The following SLC9B2 variants were observed in gnomAD, a reference collection of about 807,000 sequenced individuals.
The protein encoded by SLC9B2 is solute carrier family 9 member B2.
SLC9B2 carries 39 observed loss-of-function variants against 52.2 expected under a neutral mutation model. The ratio of observed to expected loss-of-function variants is 0.75; its 90% CI spans 0.58 to 0.98. The LOEUF is 0.98. Among genes scored for constraint, SLC9B2 ranks in the 50% least tolerant of loss-of-function variants. The pLI is 0.00. For missense variants in SLC9B2, 626 were observed against 637.5 expected (o/e 0.98, Z 0.19); for synonymous variants, 214 against 227.0 (o/e 0.94, Z 0.51).
rs1305183338 is a variant in SLC9B2, at chr4:103,058,074, A to G, written c.272-103T>C. The G allele has an allele frequency of 8.6e-6, 9 of 1,052,314 alleles. No homozygotes were observed. In the African/African-American group the frequency reaches 1.5e-4, roughly 17 times the overall value. 65.2% of individuals were successfully genotyped at this position (1,052,314 alleles called of 1,614,324 possible). A position where few individuals can be genotyped will look rare whatever the true frequency, so the allele number is the denominator to read the frequency against. ...AAAAATAAATACTGAATGAAAATGC[A>G]AATATTTATAATCATGTTTAATCTG... On this transcript the variant is annotated intron_variant, in intron 3 of 11. Coordinates refer to ENST00000394785, the MANE Select transcript of SLC9B2 (RefSeq NM_178833.7).
chr4:103,047,231 G>A lies in SLC9B2; in HGVS notation c.714-5C>T. 1 of 1,605,536 alleles carries A rather than the reference G, an allele frequency of 6.2e-7. No homozygotes were observed. Among genetic ancestry groups the A allele is most frequent in the Non-Finnish European group, 8.5e-7 (1 of 1,175,028 alleles). On this transcript the variant is annotated splice_polypyrimidine_tract_variant and splice_region_variant and intron_variant, in intron 6 of 11. Transcript: ENST00000394785. ...GATACAGCACCTAAAACAAAACTAGGCAGACAGCATTTTAAACATTTATGA... is the reference window on the plus strand; with the variant it reads ...GATACAGCACCTAAAACAAAACTAGACAGACAGCATTTTAAACATTTATGA...
intron 9 of SLC9B2, among the ~76,000 whole-genome samples, chr4:103,042,808 TTTTA>T (rs1169881592): frequency 4.0e-5 from 6 of 151,672 alleles, no homozygotes; most frequent in Non-Finnish European, 5.9e-5. Flanking sequence ...ATATACTATA[TTTTA>T]TTTATTTTAA....
At chr4:103,045,090 G>A in intron 7 of SLC9B2, 94 bp from the exon 8 acceptor site, 1 of 794,406 alleles carries the variant, frequency 1.3e-6, no homozygotes. Context: ...TAATTACAAA[G>A]AAGAAACATT....
chr4:103,067,615 T>C (rs1429044948), intron 1 of SLC9B2, 23 bp from the exon 2 acceptor site: 8 of 1,249,368 alleles, frequency 6.4e-6, no homozygotes, highest in African/African-American at 3.0e-5. Flanking sequence ...AGTATAGATA[T>C]AGAGCAGTAA....
chr4:103,068,967 C>T (rs1280593033), intron 1 of SLC9B2, among the ~76,000 whole-genome samples: 1 of 152,108 alleles, frequency 6.6e-6, no homozygotes, highest in Non-Finnish European at 1.5e-5. Flanking sequence ...CCACAACCAC[C>T]CCCATTTTTC....
At chr4:103,053,260 G>C (rs1744848993) in intron 4 of SLC9B2, among the ~76,000 whole-genome samples, 2 of 152,078 alleles carry the variant, frequency 1.3e-5, no homozygotes, top group Admixed American at 6.5e-5. Context: ...TAAAAATATA[G>C]AACAGGCAAC....
intron 9 of SLC9B2, among the ~76,000 whole-genome samples, chr4:103,038,426 T>G (rs1234046181): frequency 6.6e-6 from 1 of 152,220 alleles, no homozygotes; most frequent in Non-Finnish European, 1.5e-5. Context: ...GGCTTATATA[T>G]TGCAAAACAT....
At chr4:103,073,873 TA>T (rs897718765) in intron 1 of SLC9B2, among the ~76,000 whole-genome samples, 1 of 152,206 alleles carries the variant, frequency 6.6e-6, no homozygotes, top group African/African-American at 2.4e-5. Flanking sequence ...ATGGCCTGTC[TA>T]AATGCCAAGT....
intron 9 of SLC9B2, among the ~76,000 whole-genome samples, chr4:103,037,338 T>C (rs1413908455): frequency 6.6e-6 from 1 of 152,210 alleles, no homozygotes; most frequent in Non-Finnish European, 1.5e-5. Context: ...TTTATACCAA[T>C]TGGCCTATGG....
chr4:103,069,863 T>C (rs1037780670), intron 1 of SLC9B2, among the ~76,000 whole-genome samples: 1 of 152,222 alleles, frequency 6.6e-6, no homozygotes, highest in Non-Finnish European at 1.5e-5. Context: ...GAAATTATTA[T>C]TTTTAGTAGA....
chr4:103,031,750 C>A lies in SLC9B2; in HGVS notation c.1205G>T (p.Gly402Val), dbSNP rs769265898. The stretch of plus-strand genomic sequence containing the variant: ...AATAGATACCTCTGCTCCAATTAGT[C>A]CAAAAAGAAGGGGCTGAAAAATGTC... Reference protein sequence around the residue: ...AWDIFQPLLFGLIGAEVSIAS... With the variant: ...AWDIFQPLLFVLIGAEVSIAS... Residue 402 changes from glycine (G) to valine (V), a missense_variant, in exon 10 of 12, where the codon GGA (glycine) becomes GTA (valine). Coordinates refer to ENST00000394785, the MANE Select transcript of SLC9B2 (RefSeq NM_178833.7). The A allele has an allele frequency of 1.2e-6, 2 of 1,612,734 alleles. No homozygotes were observed. The highest frequency in any genetic ancestry group is 1.7e-6 in the Non-Finnish European group (2 of 1,179,214).
At chr4:103,038,154 C>T (rs950964066) in intron 9 of SLC9B2, among the ~76,000 whole-genome samples, 3 of 152,098 alleles carry the variant, frequency 2.0e-5, no homozygotes, top group South Asian at 2.1e-4. Context: ...AGCCACTGCA[C>T]CCAGCCAACG....
intron 10 of SLC9B2, among the ~76,000 whole-genome samples, chr4:103,029,749 A>G (rs1030119264): frequency 6.6e-6 from 1 of 152,128 alleles, no homozygotes; most frequent in Admixed American, 6.6e-5. Context: ...TTAAAAAGTA[A>G]CATTTGTTGA....
In SLC9B2 at chr4:103,048,670, C is replaced by T. The variant is rs554948841; in HGVS notation, c.713+223G>A. ...TGAATCAGGTGTAGGCAAAAGACCACGACTTCTTCAACAGTTTGAATAGTA... is the reference window on the plus strand; with the variant it reads ...TGAATCAGGTGTAGGCAAAAGACCATGACTTCTTCAACAGTTTGAATAGTA... On this transcript the variant is annotated intron_variant, in intron 6 of 11. Coordinates refer to ENST00000394785, the MANE Select transcript of SLC9B2 (RefSeq NM_178833.7). 3.7e-5 allele frequency: 17 copies of T among 454,414 alleles called. No individual in the cohort carries two copies. The East Asian group carries it at 4.6e-4, about 12-fold the overall frequency. The allele number at this position is 454,414 out of a possible 1,614,324, so 28.1% of individuals were successfully genotyped here. A position where few individuals can be genotyped will look rare whatever the true frequency, so the allele number is the denominator to read the frequency against.
intron 9 of SLC9B2, among the ~76,000 whole-genome samples, chr4:103,040,817 G>A (rs1743568731): frequency 6.6e-6 from 1 of 152,200 alleles, no homozygotes; most frequent in Non-Finnish European, 1.5e-5. Flanking sequence ...TTTTAAGCCA[G>A]TGGTTCACAG....
chr4:103,072,389 C>A (rs921763859), intron 1 of SLC9B2, among the ~76,000 whole-genome samples: 1 of 152,194 alleles, frequency 6.6e-6, no homozygotes, highest in African/African-American at 2.4e-5. Flanking sequence ...AAATATCTTT[C>A]ATCAAATGAA....
intron 3 of SLC9B2, among the ~76,000 whole-genome samples, chr4:103,065,207 CAT>C (rs1746015728): frequency 2.0e-5 from 3 of 150,224 alleles, no homozygotes; most frequent in Admixed American, 6.6e-5. Flanking sequence ...CACACACACA[CAT>C]ATAACTCAAG....
intron 9 of SLC9B2, 131 bp from the exon 10 acceptor site, chr4:103,031,939 GT>G: frequency 1.2e-6 from 1 of 860,394 alleles, no homozygotes; most frequent in Non-Finnish European, 1.8e-6. Flanking sequence ...TAACTAAAAG[GT>G]TAGCTAGAAC....
chr4:103,050,099 T>C, intron 5 of SLC9B2, 141 bp downstream of exon 5: 1 of 750,630 alleles, frequency 1.3e-6, no homozygotes, highest in Non-Finnish European at 1.9e-6. Context: ...CAATCCTCCA[T>C]GAAATAAATT....
Sources: allele counts gnomAD v4.1 joint callset (sites outside exome capture counted in the v4.1 genomes callset), GRCh38; gene constraint gnomAD v4.1.1; transcripts MANE v1.5; gene names NCBI Gene and HGNC (gene_info 2026-07-23, HGNC 2026-07-21).